The following DRC8 variants were observed in gnomAD, a reference collection of about 807,000 sequenced individuals.
DRC8 encodes the protein dynein regulatory complex protein 8.
chr1:244,981,205 C>CA, the DRC8 span, among the ~76,000 whole-genome samples: 6 of 149,544 alleles, frequency 4.0e-5, no homozygotes, highest in East Asian at 2.0e-4. Flanking sequence ...ACCCCACCGC[C>CA]AAAAAAAAAT....
the DRC8 span, among the ~76,000 whole-genome samples, chr1:245,084,069 C>T: frequency 6.7e-5 from 8 of 119,876 alleles, no homozygotes; most frequent in African/African-American, 1.8e-4. Context: ...TCCGCCCCCC[C>T]CCCGGCGCCC....
chr1:245,014,696 T>C, the DRC8 span, among the ~76,000 whole-genome samples: 1 of 152,076 alleles, frequency 6.6e-6, no homozygotes, highest in Non-Finnish European at 1.5e-5. Context: ...AGAGCAGGAT[T>C]GTTCAAATGA....
At chr1:244,978,202 A>C in the DRC8 span, among the ~76,000 whole-genome samples, 68 of 152,260 alleles carry the variant, frequency 4.5e-4, no homozygotes, top group African/African-American at 1.6e-3. Context: ...TTTTTAAGAG[A>C]TGAGATCTAG....
At chr1:244,985,565 G>C in the DRC8 span, among the ~76,000 whole-genome samples, 1 of 152,142 alleles carries the variant, frequency 6.6e-6, no homozygotes, top group African/African-American at 2.4e-5. Context: ...AACCATTAAA[G>C]AGTTACATAA....
the DRC8 span, among the ~76,000 whole-genome samples, chr1:245,047,533 G>T: frequency 1.3e-5 from 2 of 151,120 alleles, no homozygotes; most frequent in Non-Finnish European, 2.9e-5. Context: ...TACTTAGGAG[G>T]CTGAGGCAGG....
the DRC8 span, among the ~76,000 whole-genome samples, chr1:245,052,072 T>A: frequency 1.2e-4 from 18 of 151,898 alleles, no homozygotes; most frequent in Middle Eastern, 6.8e-3. Context: ...GATAAGGACG[T>A]TTTCTGAGAT....
chr1:245,009,568 C>T, the DRC8 span, among the ~76,000 whole-genome samples: 1 of 147,774 alleles, frequency 6.8e-6, no homozygotes, highest in Admixed American at 6.8e-5. Context: ...CCTGGGTTTA[C>T]ACCATTCTCC....
At chr1:245,048,102 G>C in the DRC8 span, among the ~76,000 whole-genome samples, 1 of 152,220 alleles carries the variant, frequency 6.6e-6, no homozygotes, top group African/African-American at 2.4e-5. Context: ...GGAGGAAGAG[G>C]GGTTGGTCTT....
chr1:245,092,012 A>G, the DRC8 span, among the ~76,000 whole-genome samples: 1 of 152,214 alleles, frequency 6.6e-6, no homozygotes, highest in Non-Finnish European at 1.5e-5. Context: ...AGCCATCTCT[A>G]TTCTCACACT....
the DRC8 span, chr1:245,087,472 A>G: frequency 2.1e-6 from 3 of 1,419,308 alleles, no homozygotes; most frequent in East Asian, 2.7e-5. Flanking sequence ...ACCTTGTGAC[A>G]TAACTATTTT....
At chr1:245,065,347 C>T in the DRC8 span, among the ~76,000 whole-genome samples, 1 of 152,056 alleles carries the variant, frequency 6.6e-6, no homozygotes, top group Non-Finnish European at 1.5e-5. Flanking sequence ...GCCACCGCGC[C>T]CAGCCTAATA....
chr1:245,046,132 A>G, the DRC8 span, among the ~76,000 whole-genome samples: 2 of 151,952 alleles, frequency 1.3e-5, no homozygotes, highest in Non-Finnish European at 2.9e-5. Context: ...CCTTAATATT[A>G]TATATGATTT....
the DRC8 span, among the ~76,000 whole-genome samples, chr1:245,039,174 A>G: frequency 6.6e-5 from 10 of 150,498 alleles, no homozygotes; most frequent in African/African-American, 2.4e-4. Flanking sequence ...GGAAAATGTG[A>G]TATGTTTACA....
the DRC8 span, among the ~76,000 whole-genome samples, chr1:245,082,676 A>G: frequency 2.0e-5 from 3 of 150,256 alleles, no homozygotes; most frequent in African/African-American, 7.4e-5. Context: ...TCATCCCAGT[A>G]TGTTAGCAGC....
At chr1:245,059,322 T>C in the DRC8 span, 1 of 1,136,536 alleles carries the variant, frequency 8.8e-7, no homozygotes, top group Non-Finnish European at 1.3e-6. Context: ...CTGAGATAAT[T>C]TGGAGAAACC....
the DRC8 span, among the ~76,000 whole-genome samples, chr1:244,973,804 A>G: frequency 2.0e-5 from 3 of 152,344 alleles, no homozygotes; most frequent in African/African-American, 7.2e-5. Flanking sequence ...CTCTTCTTCA[A>G]TATTTAGAGA....
At chr1:245,104,178 A>T in the DRC8 span, among the ~76,000 whole-genome samples, 1 of 152,192 alleles carries the variant, frequency 6.6e-6, no homozygotes. Flanking sequence ...TTAAAAAAGG[A>T]CTTTCTATTA....
At chr1:245,005,169 C>T in the DRC8 span, among the ~76,000 whole-genome samples, 1 of 151,828 alleles carries the variant, frequency 6.6e-6, no homozygotes, top group Non-Finnish European at 1.5e-5. Flanking sequence ...ATTATGTTTT[C>T]AAGTGTTTTG....
At chr1:245,120,454 T>C in the DRC8 span, among the ~76,000 whole-genome samples, 1 of 152,266 alleles carries the variant, frequency 6.6e-6, no homozygotes, top group African/African-American at 2.4e-5. Context: ...GTTTTCCATC[T>C]TTCAGAAACT....
Sources: gnomAD v4.1 joint callset for allele counts (sites outside exome capture counted in the v4.1 genomes callset) on GRCh38, gnomAD v4.1.1 for gene constraint, MANE v1.5 for transcripts, NCBI Gene and HGNC (gene_info 2026-07-23, HGNC 2026-07-21) for gene names.